Variants in CNTN1 observed in about 807,000 individuals in gnomAD.
CNTN1 encodes contactin 1.
Under a neutral mutation model 126.4 loss-of-function variants are expected in CNTN1, and 38 were observed. The observed-to-expected ratio is 0.30, with a 90% CI of 0.23 to 0.39. The LOEUF is 0.39. CNTN1 is among the 10% of genes least tolerant of loss of function. The pLI is 1.00. For missense variants in CNTN1, 1,009 were observed against 1,248.4 expected (o/e 0.81, Z 2.89); for synonymous variants, 413 against 422.6 (o/e 0.98, Z 0.28).
chr12:40,873,615 T>A (rs764600513), intron 1 of CNTN1, among the ~76,000 whole-genome samples: 27 of 152,198 alleles, frequency 1.8e-4, no homozygotes, highest in Non-Finnish European at 2.9e-4. Context: ...TATAATGATA[T>A]GAAAAGCCTT....
At chr12:40,730,301 TTCTTC>T (rs1426071677) in intron 1 of CNTN1, among the ~76,000 whole-genome samples, 3 of 152,244 alleles carry the variant, frequency 2.0e-5, no homozygotes, top group African/African-American at 2.4e-5. Context: ...AAAGCCCCTT[TTCTTC>T]TCTTCTTTAT....
chr12:41,070,125 C>A lies in CNTN1; in HGVS notation c.*90C>A. On this transcript the variant is annotated 3_prime_UTR_variant, in exon 24 of 24. Transcript: ENST00000551295. ...ACAATTCCTTCCAATTTCTGCGGCTCCATCCTAAGCCAAATAAATTATACT... is the reference window on the plus strand; with the variant it reads ...ACAATTCCTTCCAATTTCTGCGGCTACATCCTAAGCCAAATAAATTATACT... 9.3e-7 allele frequency: 1 copy of A among 1,077,932 alleles called. No homozygotes were observed. The highest frequency in any genetic ancestry group is 1.5e-5 in the African/African-American group (1 of 64,734). The allele number at this position is 1,077,932 out of a possible 1,614,324, so 66.8% of individuals were successfully genotyped here.
intron 1 of CNTN1, among the ~76,000 whole-genome samples, chr12:40,906,057 C>T (rs1031371182): frequency 2.0e-5 from 3 of 152,160 alleles, no homozygotes; most frequent in Non-Finnish European, 4.4e-5. Context: ...GGGCGGATCA[C>T]GAGGTCAGGA....
intron 1 of CNTN1, among the ~76,000 whole-genome samples, chr12:40,837,616 C>T (rs1942110336): frequency 6.6e-6 from 1 of 152,176 alleles, no homozygotes; most frequent in Non-Finnish European, 1.5e-5. Flanking sequence ...TAGCTTTTGA[C>T]AGGCTTTCTG....
chr12:41,059,501 G>A (rs182349752), intron 23 of CNTN1, among the ~76,000 whole-genome samples: 6 of 152,316 alleles, frequency 3.9e-5, no homozygotes, highest in African/African-American at 1.4e-4. Context: ...AGATGTTTAT[G>A]AAGCAGCCAG....
At chr12:40,868,395 T>C (rs1943371693) in intron 1 of CNTN1, among the ~76,000 whole-genome samples, 1 of 152,172 alleles carries the variant, frequency 6.6e-6, no homozygotes, top group South Asian at 2.1e-4. Flanking sequence ...CCTTGGTAGA[T>C]GGGAGCAGAG....
At chr12:40,753,665 T>A (rs1372827061) in intron 1 of CNTN1, among the ~76,000 whole-genome samples, 1 of 152,122 alleles carries the variant, frequency 6.6e-6, no homozygotes, top group East Asian at 1.9e-4. Context: ...AATAGGTCCC[T>A]CCTATAACAC....
In CNTN1 at chr12:40,818,764, G is replaced by A. The variant is rs536916570; in HGVS notation, c.-76-89593G>A. 3.9e-5 allele frequency among the ~76,000 whole-genome samples: 6 copies of A among 152,040 alleles called. No homozygotes were observed. The South Asian group carries it at 1.0e-3, about 26-fold the overall frequency. ...GAGAGGAGGCACTCTGGCCTTTTTG[G>A]TTTTCAGCATTTTTTCATTAATTCT... On this transcript the variant is annotated intron_variant, in intron 1 of 23. Coordinates refer to ENST00000551295, the MANE Select transcript of CNTN1 (RefSeq NM_001843.4).
intron 1 of CNTN1, among the ~76,000 whole-genome samples, chr12:40,743,405 A>C (rs1047778106): frequency 1.3e-5 from 2 of 152,236 alleles, no homozygotes; most frequent in Admixed American, 6.5e-5. Flanking sequence ...TTGTTGGAAT[A>C]GTTAAGGTTG....
rs1406996207 is a variant in CNTN1, at chr12:41,025,336, C to G, written c.2710C>G (p.Pro904Ala). 6.2e-7 allele frequency: 1 copy of G among 1,612,812 alleles called. No individual in the cohort carries two copies. The highest frequency in any genetic ancestry group is 2.2e-5 in the East Asian group (1 of 44,844). The change falls in exon 21 of 24, where the codon CCT (proline) becomes GCT (alanine). Residue 904 changes from proline (P) to alanine (A), a missense_variant and splice_region_variant. Physicochemically the swap from Pro to Ala is conservative, Grantham distance 27 (BLOSUM62 -1). Transcript: ENST00000551295. ...GATTGAGGCTTTCACCAAGAAAGCA[C>G]GTGAGTCTCACGTTTTGTTTTTAGA... ...DMIEAFTKKA[P>A]PSQPPRIISS...
At chr12:41,038,510 T>C (rs1236620267) in intron 23 of CNTN1, among the ~76,000 whole-genome samples, 1 of 152,078 alleles carries the variant, frequency 6.6e-6, no homozygotes, top group Non-Finnish European at 1.5e-5. Context: ...GACTGATTTG[T>C]ATTGCTTTAG....
chr12:40,818,597 T>C (rs1941331378), intron 1 of CNTN1, among the ~76,000 whole-genome samples: 1 of 152,202 alleles, frequency 6.6e-6, no homozygotes, highest in Non-Finnish European at 1.5e-5. Flanking sequence ...CTTAGCTTCT[T>C]TGCATTGGGT....
rs1491499510 is a variant in CNTN1 at position 41,053,427 on chromosome 12, A to AT, written c.2981-16532_2981-16531insT. Among the ~76,000 whole-genome samples the AT allele has an allele frequency of 2.0e-3, 172 of 84,140 alleles. 2 individuals carry two copies. The highest frequency in any genetic ancestry group is 7.4e-3 in the African/African-American group (165 of 22,306). 55.2% of individuals were successfully genotyped at this position (84,140 alleles called of 152,430 possible). Reference sequence around the variant, plus strand: ...ATTTTGTCTCTTTCATGTTTTCACTAAATATATATATATATATATATATAT... The same window carrying AT: ...ATTTTGTCTCTTTCATGTTTTCACTATAATATATATATATATATATATATAT... On this transcript the variant is annotated intron_variant, in intron 23 of 23. Transcript: ENST00000551295.
At position 40,933,767 on chromosome 12, in the gene CNTN1, G is replaced by A; in HGVS notation, c.874G>A (p.Gly292Arg). 1 of 1,612,804 alleles carries A rather than the reference G, an allele frequency of 6.2e-7. No homozygotes were observed. Among genetic ancestry groups the A allele is most frequent in the Non-Finnish European group, 8.5e-7 (1 of 1,179,148 alleles). Residue 292 changes from glycine (G) to arginine (R), a missense_variant, in exon 9 of 24, where the codon GGG becomes AGG. Physicochemically the swap from Gly to Arg is moderately radical, Grantham distance 125 (BLOSUM62 -2). Coordinates refer to ENST00000551295, the MANE Select transcript of CNTN1 (RefSeq NM_001843.4). ...MPSTAEISTSGAVLKIFNIQL... is the reference protein window; with the variant it reads ...MPSTAEISTSRAVLKIFNIQL... ...AAGCACTGCTGAGATTAGCACCTCT[G>A]GGGCTGTTCTTAAGATCTTCAATAT...
At chr12:40,949,079 G>T (rs1946548194) in intron 14 of CNTN1, among the ~76,000 whole-genome samples, 1 of 151,732 alleles carries the variant, frequency 6.6e-6, no homozygotes. Context: ...TATCAAAAAA[G>T]GTCTTTAGAT....
chr12:40,832,539 G>T (rs1941883515), intron 1 of CNTN1, among the ~76,000 whole-genome samples: 1 of 152,148 alleles, frequency 6.6e-6, no homozygotes, highest in Non-Finnish European at 1.5e-5. Flanking sequence ...CTAGGTTTGC[G>T]TTAAGTACAC....
At chr12:40,861,712 T>G (rs1423629692) in intron 1 of CNTN1, among the ~76,000 whole-genome samples, 2 of 152,162 alleles carry the variant, frequency 1.3e-5, no homozygotes. Context: ...TATTTTCAGT[T>G]TACTCATTAA....
At chr12:40,776,028 T>C (rs1207241036) in intron 1 of CNTN1, among the ~76,000 whole-genome samples, 1 of 151,696 alleles carries the variant, frequency 6.6e-6, no homozygotes, top group African/African-American at 2.4e-5. Context: ...TTGTAAAAGT[T>C]ACAATAGCAA....
At chr12:40,800,440 A>G (rs1940602640) in intron 1 of CNTN1, among the ~76,000 whole-genome samples, 1 of 151,992 alleles carries the variant, frequency 6.6e-6, no homozygotes, top group African/African-American at 2.4e-5. Flanking sequence ...ATTTGAAATA[A>G]TGAATAATAC....
Sources: allele counts gnomAD v4.1 joint callset (sites outside exome capture counted in the v4.1 genomes callset), GRCh38; gene constraint gnomAD v4.1.1; transcripts MANE v1.5; gene names NCBI Gene and HGNC (gene_info 2026-07-23, HGNC 2026-07-21).